The following RIMS2 variants were observed in gnomAD, a reference collection of about 807,000 sequenced individuals.
RIMS2 encodes the protein regulating synaptic membrane exocytosis 2.
A neutral mutation model predicts 174.4 loss-of-function variants in RIMS2; 59 were observed. The ratio of observed to expected loss-of-function variants is 0.34; its 90% CI spans 0.27 to 0.42. The LOEUF is 0.42. Among genes scored for constraint, RIMS2 ranks in the 10% least tolerant of loss-of-function variants. RIMS2 has a pLI of 1.00. For synonymous variants in RIMS2, 606 were observed against 572.5 expected (o/e 1.06, Z -0.84); for missense variants, 1,620 against 1,666.3 (o/e 0.97, Z 0.48).
intron 19 of RIMS2, among the ~76,000 whole-genome samples, chr8:104,115,715 A>G (rs1229364845): frequency 1.3e-5 from 2 of 152,236 alleles, no homozygotes; most frequent in Non-Finnish European, 2.9e-5. Context: ...AGCAGGTAAT[A>G]TAAGTGATTG....
At chr8:103,577,110 G>C (rs2093302422) in intron 1 of RIMS2, among the ~76,000 whole-genome samples, 2 of 152,114 alleles carry the variant, frequency 1.3e-5, no homozygotes, top group South Asian at 4.1e-4. Context: ...CTTCACAGCA[G>C]AAGGAACTAT....
intron 16 of RIMS2, among the ~76,000 whole-genome samples, chr8:103,985,272 G>A (rs927495331): frequency 2.0e-5 from 3 of 151,704 alleles, no homozygotes; most frequent in East Asian, 3.9e-4. Flanking sequence ...TCAGGAGTTC[G>A]AGACCAGCCT....
intron 1 of RIMS2, among the ~76,000 whole-genome samples, chr8:103,574,711 G>T (rs1248201006): frequency 1.3e-5 from 2 of 152,168 alleles, no homozygotes; most frequent in African/African-American, 4.8e-5. Context: ...ACATTTTCAT[G>T]AACTTTAGTA....
At chr8:103,947,780 A>G (rs965222513) in intron 14 of RIMS2, among the ~76,000 whole-genome samples, 3 of 152,134 alleles carry the variant, frequency 2.0e-5, no homozygotes, top group East Asian at 1.9e-4. Flanking sequence ...GCTACACTTT[A>G]TTTATTAAAA....
At chr8:103,513,783 A>G (rs1182849400) in intron 1 of RIMS2, among the ~76,000 whole-genome samples, 1 of 152,186 alleles carries the variant, frequency 6.6e-6, no homozygotes, top group African/African-American at 2.4e-5. Context: ...GTGGCTGTTG[A>G]TGTGACCATT....
At chr8:103,718,242 C>T (rs1311587474) in intron 2 of RIMS2, among the ~76,000 whole-genome samples, 2 of 150,296 alleles carry the variant, frequency 1.3e-5, no homozygotes, top group Non-Finnish European at 2.9e-5. Context: ...ATAGCTCAAT[C>T]AGGGGCAGCT....
At chr8:104,034,167 A>G (rs1313821899) in intron 19 of RIMS2, among the ~76,000 whole-genome samples, 5 of 152,136 alleles carry the variant, frequency 3.3e-5, no homozygotes, top group African/African-American at 4.8e-5. Flanking sequence ...TTTCTTTTTC[A>G]ATTGGTGTTT....
At chr8:104,218,033 C>T (rs2099138640) in intron 19 of RIMS2, among the ~76,000 whole-genome samples, 1 of 152,226 alleles carries the variant, frequency 6.6e-6, no homozygotes. Context: ...GTCACAGTCA[C>T]AGGTAATTGA....
intron 1 of RIMS2, among the ~76,000 whole-genome samples, chr8:103,614,281 G>A (rs1004550247): frequency 5.9e-5 from 9 of 152,240 alleles, no homozygotes; most frequent in South Asian, 4.1e-4. Context: ...GGGCACTGGC[G>A]GAGCCCAGCA....
intron 19 of RIMS2, among the ~76,000 whole-genome samples, chr8:104,043,636 G>A (rs2096646103): frequency 6.6e-6 from 1 of 151,534 alleles, no homozygotes; most frequent in South Asian, 2.1e-4. Flanking sequence ...AATTTGTAGC[G>A]ATATCTAAGG....
intron 1 of RIMS2, among the ~76,000 whole-genome samples, chr8:103,635,987 C>T (rs2096065898): frequency 6.6e-6 from 1 of 151,910 alleles, no homozygotes; most frequent in African/African-American, 2.4e-5. Context: ...TCCCTTAAAG[C>T]AGCAGTCTGG....
intron 3 of RIMS2, among the ~76,000 whole-genome samples, chr8:103,788,436 C>G: frequency 6.9e-6 from 1 of 144,894 alleles, no homozygotes. Context: ...TGGTGATGTA[C>G]AGATGGGTTT....
intron 19 of RIMS2, among the ~76,000 whole-genome samples, chr8:104,081,050 T>G (rs576570464): frequency 6.6e-6 from 1 of 152,142 alleles, no homozygotes; most frequent in African/African-American, 2.4e-5. Flanking sequence ...TAATAAAAAC[T>G]AACTTACAGT....
At chr8:103,728,748 C>CTTTTTTTTTTTTTTTTT (rs71575982) in intron 2 of RIMS2, among the ~76,000 whole-genome samples, 7 of 92,662 alleles carry the variant, frequency 7.6e-5, no homozygotes, top group African/African-American at 2.8e-4. Flanking sequence ...TATGCTCCTT[C>CTTTTTTTTTTTTTTTTT]TTTTTTTTTT....
intron 3 of RIMS2, among the ~76,000 whole-genome samples, chr8:103,827,203 G>A (rs76304663): frequency 0.01 from 1,588 of 152,070 alleles, 30 homozygotes; most frequent in African/African-American, 0.036. Context: ...GAAAATTTCC[G>A]TAAGTATTTT....
rs553567021 is a variant in RIMS2, at chr8:103,787,049, C to T, written c.698+20512C>T. ...AATGGCCTTCTTTGTCTCTTTTGATCTTTGTTGGTTTAAAGTCTGTTTTAT... is the reference window on the plus strand; with the variant it reads ...AATGGCCTTCTTTGTCTCTTTTGATTTTTGTTGGTTTAAAGTCTGTTTTAT... On this transcript the variant is annotated intron_variant, in intron 3 of 23. Transcript: ENST00000504942. 9.5e-3 allele frequency among the ~76,000 whole-genome samples: 1,415 copies of T among 149,070 alleles called. 10 individuals are homozygous for T. Among genetic ancestry groups the T allele is most frequent in the African/African-American group, 0.033 (1,340 of 40,134 alleles).
intron 16 of RIMS2, among the ~76,000 whole-genome samples, chr8:103,977,988 C>T (rs530396129): frequency 9.9e-5 from 15 of 152,274 alleles, no homozygotes; most frequent in African/African-American, 3.6e-4. Context: ...AGTTCCAGCC[C>T]TGTAATCACC....
At chr8:103,577,556 C>T (rs1055385199) in intron 1 of RIMS2, among the ~76,000 whole-genome samples, 3 of 152,100 alleles carry the variant, frequency 2.0e-5, no homozygotes, top group Non-Finnish European at 4.4e-5. Context: ...CATGTGTATA[C>T]CTAGGTAACA....
At chr8:103,885,155 C>T (rs963041852) in intron 3 of RIMS2, 143 bp from the exon 7 acceptor site, 39 of 1,208,146 alleles carry the variant, frequency 3.2e-5, no homozygotes, top group Non-Finnish European at 4.2e-5. Flanking sequence ...CTACTAAAAC[C>T]ATTGTTACGC....
Sources: gnomAD v4.1 joint callset for allele counts (sites outside exome capture counted in the v4.1 genomes callset) on GRCh38, gnomAD v4.1.1 for gene constraint, MANE v1.5 for transcripts, NCBI Gene and HGNC (gene_info 2026-07-23, HGNC 2026-07-21) for gene names.